NVL: variants seen among roughly 807,000 people sequenced by gnomAD.
The protein encoded by NVL is nuclear VCP like, also known as nuclear valosin-containing protein-like.
A neutral mutation model predicts 110.2 loss-of-function variants in NVL; 84 were observed. The observed-to-expected ratio is 0.76, with a 90% confidence interval of 0.64 to 0.91. The LOEUF (loss-of-function observed/expected upper bound fraction) is 0.91. Ranked by LOEUF, NVL falls within the 40% of genes least tolerant of loss-of-function variation. NVL has a pLI of 0.00. For synonymous variants in NVL, 354 were observed against 361.1 expected (o/e 0.98, Z 0.22); for missense variants, 882 against 1,035.9 (o/e 0.85, Z 2.04).
intron 8 of NVL, 60 bp from the exon 9 acceptor site, chr1:224,303,917 T>C: frequency 1.3e-6 from 2 of 1,523,412 alleles, no homozygotes; most frequent in South Asian, 2.5e-5. Context: ...TAGAATGAAA[T>C]GTCCTATTTT....
At chr1:224,296,479 G>T in intron 11 of NVL, 22 bp downstream of exon 11, 1 of 1,225,268 alleles carries the variant, frequency 8.2e-7, no homozygotes, top group Non-Finnish European at 1.1e-6. Flanking sequence ...CTCTTAAAAT[G>T]AATTTATTAT....
chr1:224,322,911 G>A (rs1307421501), intron 2 of NVL, among the ~76,000 whole-genome samples: 1 of 151,728 alleles, frequency 6.6e-6, no homozygotes, highest in Non-Finnish European at 1.5e-5. Context: ...CTGAGATTGC[G>A]CCACTGCACT....
chr1:224,239,525 G>A (rs1018720474), intron 19 of NVL, among the ~76,000 whole-genome samples: 11 of 152,204 alleles, frequency 7.2e-5, no homozygotes, highest in South Asian at 4.2e-4. Context: ...AACTTACCTC[G>A]ACTGTCACAC....
intron 12 of NVL, 50 bp downstream of exon 12, chr1:224,294,217 T>G: frequency 6.3e-7 from 1 of 1,591,592 alleles, no homozygotes; most frequent in South Asian, 1.1e-5. Flanking sequence ...TTCAAACCAT[T>G]CAGTTAAGAT....
intron 15 of NVL, 150 bp downstream of exon 15, chr1:224,285,876 T>G: frequency 1.7e-6 from 1 of 575,134 alleles, no homozygotes; most frequent in Non-Finnish European, 3.0e-6. Flanking sequence ...AGTAGGAAAC[T>G]TTAATGAAGA....
At chr1:224,259,822 CTTTTTTTT>C (rs60297397) in intron 18 of NVL, among the ~76,000 whole-genome samples, 3 of 135,324 alleles carry the variant, frequency 2.2e-5, no homozygotes, top group African/African-American at 8.2e-5. Context: ...ACCCAGCTAA[CTTTTTTTT>C]TTTTTTTTTG....
At chr1:224,273,063 A>AC (rs1665344307) in intron 17 of NVL, among the ~76,000 whole-genome samples, 1 of 148,286 alleles carries the variant, frequency 6.7e-6, no homozygotes, top group Non-Finnish European at 1.5e-5. Context: ...AAACAAACAA[A>AC]AAAAAACACA....
intron 16 of NVL, among the ~76,000 whole-genome samples, chr1:224,277,694 C>T (rs946463564): frequency 1.3e-5 from 2 of 152,176 alleles, no homozygotes; most frequent in African/African-American, 4.8e-5. Context: ...ATCTCAAAAT[C>T]TTTATTGGCC....
chr1:224,313,989 C>A (rs970675770), intron 4 of NVL, among the ~76,000 whole-genome samples: 1 of 151,962 alleles, frequency 6.6e-6, no homozygotes, highest in Admixed American at 6.6e-5. Flanking sequence ...GGTGACAGAG[C>A]GAGATTCTGT....
At chr1:224,289,754 A>G in intron 12 of NVL, 21 bp from the exon 13 acceptor site, 1 of 1,588,922 alleles carries the variant, frequency 6.3e-7, no homozygotes, top group Non-Finnish European at 8.6e-7. Context: ...GACAGGGGAA[A>G]AAATTTCTGA....
In NVL at chr1:224,250,247, C is replaced by T. The variant is rs1193067768; in HGVS notation, c.2254G>A (p.Ala752Thr). The change falls in exon 19 of 23, where the codon GCA (alanine) becomes ACA (threonine). Residue 752 changes from alanine (A) to threonine (T), a missense_variant. By Grantham distance (58) the Ala-to-Thr change is moderately conservative. Transcript: ENST00000281701. Reference sequence around the variant, plus strand: ...GTTTTTAAGATGGCAAGGCGATCTGCAGGGGGCGGTAAACCCACAAACAGT... The same window carrying T: ...GTTTTTAAGATGGCAAGGCGATCTGTAGGGGGCGGTAAACCCACAAACAGT... The part of the protein sequence containing the change: ...KTLFVGLPPP[A>T]DRLAILKTIT... 1.2e-6 allele frequency: 2 copies of T among 1,609,900 alleles called. No individual in the cohort carries two copies. The highest frequency in any genetic ancestry group is 1.7e-5 in the Admixed American group (1 of 59,354).
intron 17 of NVL, among the ~76,000 whole-genome samples, chr1:224,270,787 C>T (rs1178814365): frequency 6.6e-6 from 1 of 152,064 alleles, no homozygotes; most frequent in African/African-American, 2.4e-5. Flanking sequence ...TCATGGTAAT[C>T]AGGGACATGT....
chr1:224,250,383 G>T, intron 18 of NVL, 65 bp from the exon 19 acceptor site: 2 of 1,383,102 alleles, frequency 1.4e-6, no homozygotes, highest in South Asian at 3.1e-5. Context: ...TTATTTTTTT[G>T]AGAGAGGGTC....
At chr1:224,245,107 A>G (rs1303622671) in intron 19 of NVL, among the ~76,000 whole-genome samples, 1 of 152,228 alleles carries the variant, frequency 6.6e-6, no homozygotes, top group Non-Finnish European at 1.5e-5. Context: ...TCCTTATAAT[A>G]TTTCAGATGT....
intron 11 of NVL, among the ~76,000 whole-genome samples, chr1:224,295,673 G>C (rs937328459): frequency 2.7e-5 from 4 of 150,772 alleles, no homozygotes; most frequent in Non-Finnish European, 5.9e-5. Context: ...AACATAGTGA[G>C]ACCGTCTTTA....
chr1:224,305,667 C>T (rs1668849849), intron 6 of NVL, among the ~76,000 whole-genome samples: 3 of 152,154 alleles, frequency 2.0e-5, no homozygotes, highest in Non-Finnish European at 4.4e-5. Context: ...AAACAATTCT[C>T]CTGCCTCAGC....
chr1:224,309,057 T>G (rs1420182720), intron 5 of NVL, among the ~76,000 whole-genome samples: 2 of 48,758 alleles, frequency 4.1e-5, no homozygotes, highest in East Asian at 1.1e-3. Flanking sequence ...CGGGACTCTG[T>G]CTCAACAAAA....
intron 22 of NVL, among the ~76,000 whole-genome samples, chr1:224,230,080 C>A (rs2102686681): frequency 6.6e-6 from 1 of 152,304 alleles, no homozygotes; most frequent in East Asian, 1.9e-4. Context: ...CATTCTCCCA[C>A]CTCTGCCTCC....
chr1:224,279,729 AT>A (rs1666130240), intron 16 of NVL, among the ~76,000 whole-genome samples: 1 of 152,230 alleles, frequency 6.6e-6, no homozygotes, highest in African/African-American at 2.4e-5. Context: ...ATATTTCAGT[AT>A]CTCTAAAATA....
Sources: gnomAD v4.1 joint callset for allele counts (sites outside exome capture counted in the v4.1 genomes callset) on GRCh38, gnomAD v4.1.1 for gene constraint, MANE v1.5 for transcripts, NCBI Gene and HGNC (gene_info 2026-07-23, HGNC 2026-07-21) for gene names.